GALNT18: variants seen among roughly 807,000 people sequenced by gnomAD.
GALNT18 encodes the protein GalNAc-transferase 18.
In GALNT18, 44 loss-of-function variants were observed where a neutral mutation model predicts 69.5. That is an observed-to-expected ratio of 0.63 (90% CI 0.50 to 0.81). GALNT18 has a LOEUF of 0.81. Ranked by LOEUF, GALNT18 falls within the 40% of genes least tolerant of loss-of-function variation. GALNT18 has a pLI of 0.00. For synonymous variants in GALNT18, 364 were observed against 318.2 expected, an observed-to-expected ratio of 1.14 and a Z score of -1.53; for missense variants, 715 against 810.0, an observed-to-expected ratio of 0.88 and a Z score of 1.42.
chr11:11,386,641 T>C (rs1015247944), intron 3 of GALNT18, among the ~76,000 whole-genome samples: 1 of 152,244 alleles, frequency 6.6e-6, no homozygotes, highest in Non-Finnish European at 1.5e-5. Context: ...AAATATAGTA[T>C]ACTATCCGTT....
In GALNT18 at chr11:11,293,129, T is replaced by C; in HGVS notation, c.1577A>G (p.Asp526Gly). ...VGILSPTVDD[D>G]DNRCLVDVNS... ...GACGTCCACCAGGCATCGGTTGTCA[T>C]CATCATCCACGGTGGGGCTCAGAAT... The change falls in exon 10 of 11, where the codon GAT becomes GGT. Residue 526 changes from aspartate to glycine, a missense_variant. By Grantham distance (94) the Asp-to-Gly change is moderately conservative. Coordinates refer to ENST00000227756, the MANE Select transcript of GALNT18 (RefSeq NM_198516.3). The C allele has an allele frequency of 7.3e-7, 1 of 1,369,770 alleles. No homozygotes were observed. The highest frequency in any genetic ancestry group is 9.5e-7 in the Non-Finnish European group (1 of 1,051,586). 84.9% of individuals were successfully genotyped at this position (1,369,770 alleles called of 1,614,324 possible).
Position 11,590,180 on chromosome 11 carries a change from C to A in GALNT18, c.235+31179G>T, listed in dbSNP as rs11021947. Among the ~76,000 whole-genome samples the A allele has an allele frequency of 0.26, 39,700 of 152,176 alleles. 6,181 individuals carry two copies. The highest frequency in any genetic ancestry group is 0.64 in the East Asian group (3,320 of 5,170). Reference sequence around the variant, plus strand: ...ATTTCCCAGCTTCCCTTGCAGTCAGCGGCTGCTACATGGCTGATTCTGTGA... The same window carrying A: ...ATTTCCCAGCTTCCCTTGCAGTCAGAGGCTGCTACATGGCTGATTCTGTGA... On this transcript the variant is annotated intron_variant, in intron 1 of 10. Transcript: ENST00000227756. The surrounding 1 kb of genome is among the most constrained non-coding windows in gnomAD (Gnocchi z 4.4).
intron 6 of GALNT18, among the ~76,000 whole-genome samples, chr11:11,361,277 C>A (rs1415267019): frequency 6.6e-6 from 1 of 152,214 alleles, no homozygotes; most frequent in African/African-American, 2.4e-5. Context: ...TCTGAAGCCA[C>A]CTTTCTTGGG....
At chr11:11,443,563 G>A (rs886491126) in intron 2 of GALNT18, among the ~76,000 whole-genome samples, 6 of 152,058 alleles carry the variant, frequency 3.9e-5, no homozygotes, top group Non-Finnish European at 5.9e-5. Context: ...CCGAGAGGCA[G>A]GAGGAAGCAC....
At chr11:11,485,053 T>G (rs1856615093) in intron 1 of GALNT18, among the ~76,000 whole-genome samples, 1 of 152,182 alleles carries the variant, frequency 6.6e-6, no homozygotes, top group South Asian at 2.1e-4. Flanking sequence ...ATCATGCCAA[T>G]CTGGAGGAGA....
intron 10 of GALNT18, among the ~76,000 whole-genome samples, chr11:11,272,910 C>T (rs1183678684): frequency 3.3e-5 from 5 of 152,156 alleles, no homozygotes; most frequent in Non-Finnish European, 7.3e-5. Flanking sequence ...ACGGACATCT[C>T]AAGAGAGTGT....
chr11:11,487,787 T>C lies in GALNT18; in HGVS notation c.236-38851A>G, dbSNP rs142184215. Reference sequence around the variant, plus strand: ...AGTCCACACAGCACCTCCTGCAAGCTGGGACTCTGTCCTCCTTTCTACTGC... The same window carrying C: ...AGTCCACACAGCACCTCCTGCAAGCCGGGACTCTGTCCTCCTTTCTACTGC... On this transcript the variant is annotated intron_variant, in intron 1 of 10. Coordinates refer to ENST00000227756, the MANE Select transcript of GALNT18 (RefSeq NM_198516.3). 9.5e-3 allele frequency among the ~76,000 whole-genome samples: 1,453 copies of C among 152,322 alleles called. 13 individuals are homozygous for C. The highest frequency in any genetic ancestry group is 0.015 in the Non-Finnish European group (1,013 of 68,030).
In GALNT18 at chr11:11,421,008, T is replaced by C. The variant is rs1854993241; in HGVS notation, c.595+11613A>G. ...TAAAGCAAAATGGTACAGAGCCCTC[T>C]TGCTGTAGATTGCTACAGGGAGCTC... On this transcript the variant is annotated intron_variant, in intron 3 of 10. Transcript: ENST00000227756. The surrounding 1 kb of genome is among the most constrained non-coding windows in gnomAD (Gnocchi z 5.6). 6.6e-6 allele frequency among the ~76,000 whole-genome samples: 1 copy of C among 152,160 alleles called. No homozygotes were observed. Among genetic ancestry groups the C allele is most frequent in the African/African-American group, 2.4e-5 (1 of 41,436 alleles).
At chr11:11,498,580 C>T (rs909449436) in intron 1 of GALNT18, among the ~76,000 whole-genome samples, 3 of 152,212 alleles carry the variant, frequency 2.0e-5, no homozygotes, top group Non-Finnish European at 4.4e-5. Context: ...GGGCAGATTG[C>T]CTGAGCTCAG....
chr11:11,346,119 C>T (rs1850298755), intron 6 of GALNT18, among the ~76,000 whole-genome samples: 1 of 152,188 alleles, frequency 6.6e-6, no homozygotes, highest in Admixed American at 6.5e-5. Flanking sequence ...AATTAGATCC[C>T]CTCTGAATAT....
chr11:11,373,199 C>T (rs185148901), intron 5 of GALNT18, among the ~76,000 whole-genome samples: 170 of 152,052 alleles, frequency 1.1e-3, no homozygotes, highest in African/African-American at 4.0e-3. Flanking sequence ...AATAGTTAGG[C>T]AGCTGTGGGT....
rs1197031826 is a variant in GALNT18 at position 11,591,192 on chromosome 11, T to G, written c.235+30167A>C. ...TGTGTGTGTGTGTGTGTGTTAGTTT[T>G]TAAGCCTTTTTAAGGCCTTTTTAAG... On this transcript the variant is annotated intron_variant, in intron 1 of 10. Transcript: ENST00000227756. The surrounding 1 kb of genome is among the most constrained non-coding windows in gnomAD (Gnocchi z 4.8). Among the ~76,000 whole-genome samples the G allele has an allele frequency of 1.4e-5, 2 of 144,294 alleles. No homozygotes were observed. Among genetic ancestry groups the G allele is most frequent in the Non-Finnish European group, 3.0e-5 (2 of 65,986 alleles). The allele number at this position is 144,294 out of a possible 152,430, so 94.7% of individuals were successfully genotyped here. A position where few individuals can be genotyped will look rare whatever the true frequency, so the allele number is the denominator to read the frequency against.
In GALNT18 at chr11:11,415,790, A is replaced by T. The variant is rs766224; in HGVS notation, c.595+16831T>A. The stretch of plus-strand genomic sequence containing the variant: ...CTCATTTGCAAAGCAGGAGGGTGGG[A>T]TTTGTTTTTCCTGCCACGTAGAATT... On this transcript the variant is annotated intron_variant, in intron 3 of 10. Coordinates refer to ENST00000227756, the MANE Select transcript of GALNT18 (RefSeq NM_198516.3). The surrounding 1 kb of genome is among the most constrained non-coding windows in gnomAD (Gnocchi z 4.1). 0.42 allele frequency among the ~76,000 whole-genome samples: 64,243 copies of T among 151,920 alleles called. 15,771 individuals are homozygous for T. The highest frequency in any genetic ancestry group is 0.67 in the East Asian group (3,433 of 5,136).
intron 1 of GALNT18, among the ~76,000 whole-genome samples, chr11:11,539,220 G>A (rs61872867): frequency 0.31 from 46,441 of 152,062 alleles, 7,608 homozygotes; most frequent in East Asian, 0.46. Context: ...CCAGTAAGGC[G>A]CCCTTCCCAG....
At chr11:11,295,350 A>C (rs1180250526) in intron 9 of GALNT18, among the ~76,000 whole-genome samples, 3 of 152,226 alleles carry the variant, frequency 2.0e-5, no homozygotes, top group Non-Finnish European at 4.4e-5. Flanking sequence ...TCAGGGAACC[A>C]CAAGGGATAG....
Position 11,605,503 on chromosome 11 carries a change from C to G in GALNT18, c.235+15856G>C, listed in dbSNP as rs554373440. Among the ~76,000 whole-genome samples the G allele has an allele frequency of 4.6e-5, 7 of 152,284 alleles. No homozygotes were observed. In the South Asian group the frequency reaches 1.2e-3, roughly 27 times the overall value. On this transcript the variant is annotated intron_variant, in intron 1 of 10. Coordinates refer to ENST00000227756, the MANE Select transcript of GALNT18 (RefSeq NM_198516.3). The surrounding 1 kb of genome is among the most constrained non-coding windows in gnomAD (Gnocchi z 4.7). ...TCCATTCTGAGGTTCTCACAGACCT[C>G]GGGGTGAACAGGAGGCCCTCTGTTT...
At chr11:11,375,861 T>C (rs1193975144) in intron 5 of GALNT18, among the ~76,000 whole-genome samples, 2 of 152,220 alleles carry the variant, frequency 1.3e-5, no homozygotes, top group Non-Finnish European at 2.9e-5. Flanking sequence ...GTTTTAAGTA[T>C]GAGTATACAT....
At position 11,444,545 on chromosome 11, in the gene GALNT18, A is replaced by T. The variant is rs1452523090; in HGVS notation, c.428+4199T>A. Among the ~76,000 whole-genome samples the T allele has an allele frequency of 1.3e-5, 2 of 152,264 alleles. No homozygotes were observed. The highest frequency in any genetic ancestry group is 3.9e-4 in the East Asian group (2 of 5,172). On this transcript the variant is annotated intron_variant, in intron 2 of 10. Transcript: ENST00000227756. This position sits in a 1 kb window ranked among gnomAD's most constrained non-coding sequence, Gnocchi z 4.4. ...CGAGGCCTAGCAACTGGCTGGACCGATGTTTTTCCTTCTAGTTGTGTCCTG... is the reference window on the plus strand; with the variant it reads ...CGAGGCCTAGCAACTGGCTGGACCGTTGTTTTTCCTTCTAGTTGTGTCCTG...
intron 10 of GALNT18, among the ~76,000 whole-genome samples, chr11:11,280,872 C>G (rs1849058705): frequency 6.6e-6 from 1 of 152,168 alleles, no homozygotes; most frequent in Admixed American, 6.5e-5. Flanking sequence ...CCCATCCTGT[C>G]CCTTAGAAGC....
Sources: allele counts gnomAD v4.1 joint callset (sites outside exome capture counted in the v4.1 genomes callset), GRCh38; gene constraint gnomAD v4.1.1; non-coding constraint Gnocchi (gnomAD v3.1); transcripts MANE v1.5; gene names NCBI Gene and HGNC (gene_info 2026-07-23, HGNC 2026-07-21).